ABCA7: variants seen among roughly 807,000 people sequenced by gnomAD.
ABCA7 encodes ATP binding cassette subfamily A member 7.
ABCA7 carries 261 observed loss-of-function variants against 227.6 expected under a neutral mutation model. That is an observed-to-expected ratio of 1.15 (90% CI 1.04 to 1.27). ABCA7 has a LOEUF of 1.27. Among genes scored for constraint, ABCA7 ranks in the 50% most tolerant of loss-of-function variants. ABCA7 has a pLI of 0.00. For synonymous variants in ABCA7, 1,488 were observed against 1,279.7 expected (o/e 1.16, Z -3.47); for missense variants, 3,331 against 2,924.5 (o/e 1.14, Z -3.21).
At position 1,054,623 on chromosome 19, in the gene ABCA7, G is replaced by C; in HGVS notation, c.3780G>C (p.Val1260=). The C allele has an allele frequency of 6.2e-7, 1 of 1,613,354 alleles. No homozygotes were observed. The highest frequency in any genetic ancestry group is 1.1e-5 in the South Asian group (1 of 91,076). The part of the protein sequence containing the change: ...VGLALVFSLI[V]PPFGHYPALR... ...TGGCCCTCGTGTTCAGCCTCATCGT[G>C]CCTCCTTTCGGGCACTACCCGGCTC... Residue 1260 remains valine, a synonymous_variant, in exon 28 of 47, where the codon GTG becomes GTC. Transcript: ENST00000263094. The surrounding 1 kb of genome is among the most constrained non-coding windows in gnomAD (Gnocchi z 4.8).
rs764016824 is a variant in ABCA7, at chr19:1,063,830, G to C, written c.5918G>C (p.Arg1973Pro). ...FLWNSLLAVV[R>P]EGRSVMLTSH... ...TGGAACAGCCTTTTGGCCGTGGTGC[G>C]GGAGGGCCGTTCAGTGATGCTCACC... Residue 1973 changes from arginine to proline, a missense_variant, in exon 44 of 47, where the codon CGG (arginine) becomes CCG (proline). Arg to Pro is a moderately radical substitution (Grantham distance 103, BLOSUM62 -2). Transcript: ENST00000263094. The C allele has an allele frequency of 5.2e-6, 8 of 1,542,712 alleles. No individual in the cohort carries two copies. The highest frequency in any genetic ancestry group is 2.0e-5 in the Admixed American group (1 of 50,952).
chr19:1,053,585 A>G, intron 24 of ABCA7, 54 bp downstream of exon 24: 1 of 1,540,270 alleles, frequency 6.5e-7, no homozygotes, highest in Non-Finnish European at 8.7e-7. Context: ...TTCCTGGAGG[A>G]GGTGGTGTTT....
chr19:1,050,336 C>T (rs902000161), intron 18 of ABCA7, among the ~76,000 whole-genome samples: 32 of 151,884 alleles, frequency 2.1e-4, no homozygotes, highest in African/African-American at 7.7e-4. Context: ...TGCTTGAACC[C>T]TGGAGGCGGA....
rs746070149 is a variant in ABCA7, at chr19:1,047,588, G to C, written c.2203G>C (p.Gly735Arg). The C allele has an allele frequency of 1.2e-5, 19 of 1,603,456 alleles. No homozygotes were observed. The highest frequency in any genetic ancestry group is 1.6e-5 in the Non-Finnish European group (19 of 1,179,332). Residue 735 changes from glycine to arginine, a missense_variant, in exon 16 of 47, where the codon GGC becomes CGC. By Grantham distance (125) the Gly-to-Arg change is moderately radical. Transcript: ENST00000263094. ...ADVFSLAQVS[G>R]LLLLDAALYG... The stretch of plus-strand genomic sequence containing the variant: ...CGTCTTCAGCCTGGCCCAGGTCTCT[G>C]GCCTTCTGCTGCTGGACGCGGCGCT...
intron 18 of ABCA7, 136 bp from the exon 19 acceptor site, chr19:1,050,782 AAAT>A (rs145363837): frequency 0.075 from 27,017 of 358,326 alleles, 989 homozygotes; most frequent in African/African-American, 0.086. Flanking sequence ...TCCGTCTCAA[AAAT>A]AATAATAATA....
rs192510631 is a variant in ABCA7 at position 1,047,793 on chromosome 19, G to A, written c.2269+139G>A. ...GAGAAGGCGGGGCTTCTTGGCACAC[G>A]CATGCAGGTGGCTGCATTGGAGGGG... On this transcript the variant is annotated intron_variant, in intron 16 of 46. Transcript: ENST00000263094. 2,952 of 1,015,856 alleles carry A rather than the reference G, an allele frequency of 2.9e-3. 10 individuals are homozygous for A. Among genetic ancestry groups the A allele is most frequent in the Non-Finnish European group, 3.3e-3 (2,395 of 724,056 alleles). 62.9% of individuals were successfully genotyped at this position (1,015,856 alleles called of 1,614,324 possible).
In ABCA7 at chr19:1,054,595, G is replaced by T; in HGVS notation, c.3752G>T (p.Gly1251Val). The T allele has an allele frequency of 6.2e-7, 1 of 1,612,322 alleles. No homozygotes were observed. The highest frequency in any genetic ancestry group is 8.5e-7 in the Non-Finnish European group (1 of 1,179,534). ...AQIVLPALFV[G>V]LALVFSLIVP... ...ATCGTGCTGCCTGCCCTCTTTGTGG[G>T]CCTGGCCCTCGTGTTCAGCCTCATC... The change falls in exon 28 of 47, where the codon GGC (glycine) becomes GTC (valine). Residue 1251 changes from glycine (G) to valine (V), a missense_variant. By Grantham distance (109) the Gly-to-Val change is moderately radical (BLOSUM62 -3). Coordinates refer to ENST00000263094, the MANE Select transcript of ABCA7 (RefSeq NM_019112.4). This position sits in a 1 kb window ranked among gnomAD's most constrained non-coding sequence, Gnocchi z 4.8.
chr19:1,040,727 T>C (rs571663276), intron 1 of ABCA7, among the ~76,000 whole-genome samples: 1 of 152,246 alleles, frequency 6.6e-6, no homozygotes, highest in South Asian at 2.1e-4. Flanking sequence ...GAGCGATTAA[T>C]GCTACATAAG....
In ABCA7 at chr19:1,051,939, T is replaced by G. The variant is rs986466062; in HGVS notation, c.2963-3T>G. 1.9e-6 allele frequency: 3 copies of G among 1,610,590 alleles called. No individual in the cohort carries two copies. The highest frequency in any genetic ancestry group is 3.3e-5 in the Admixed American group (2 of 59,962). The stretch of plus-strand genomic sequence containing the variant: ...TAGTTGTGGGTTGGTCCCCCGTGCC[T>G]AGGTCGCACGCTGATCCTCTCCACC... On this transcript the variant is annotated splice_region_variant and splice_polypyrimidine_tract_variant and intron_variant, in intron 21 of 46. Coordinates refer to ENST00000263094, the MANE Select transcript of ABCA7 (RefSeq NM_019112.4).
At position 1,049,339 on chromosome 19, in the gene ABCA7, A is replaced by AAGCC. The variant is rs1349024554; in HGVS notation, c.2455_2458dup (p.Pro820GlnfsTer76). On this transcript the variant is annotated frameshift_variant, in exon 18 of 47. Coordinates refer to ENST00000263094, the MANE Select transcript of ABCA7 (RefSeq NM_019112.4). LOFTEE classifies it high-confidence loss of function. The stretch of plus-strand genomic sequence containing the variant: ...GCAGCCTGGAGAAGCGCTTTCCTGG[A>AAGCC]AGCCCGCAGCCAGCCCTGCGGGGGC... 6.2e-7 allele frequency: 1 copy of AAGCC among 1,611,540 alleles called. No individual in the cohort carries two copies. The highest frequency in any genetic ancestry group is 1.1e-5 in the South Asian group (1 of 91,048).
At position 1,047,206 on chromosome 19, in the gene ABCA7, T is replaced by C; in HGVS notation, c.1895T>C (p.Leu632Ser). Residue 632 changes from leucine (L) to serine (S), a missense_variant, in exon 15 of 47, where the codon TTG (leucine) becomes TCG (serine). Transcript: ENST00000263094. ...YSHPGVVFLF[L>S]AAFAVATVTQ... ...CACCCGGGCGTGGTCTTCCTGTTCT[T>C]GGCAGCCTTCGCGGTGGCCACGGTG... 2 of 1,609,544 alleles carry C rather than the reference T, an allele frequency of 1.2e-6. No individual in the cohort carries two copies. The highest frequency in any genetic ancestry group is 1.7e-6 in the Non-Finnish European group (2 of 1,179,562).
rs2041594172 is a variant in ABCA7 at position 1,051,188 on chromosome 19, G to A, written c.2718G>A (p.Gly906=). ...LTVDEHVWFY[G]RLKGLSAAVV... Reference sequence around the variant, plus strand: ...TGGACGAGCACGTCTGGTTCTATGGGCGGCTGAAGGGTCTGAGTGCCGCTG... The same window carrying A: ...TGGACGAGCACGTCTGGTTCTATGGACGGCTGAAGGGTCTGAGTGCCGCTG... Residue 906 remains glycine, a synonymous_variant, in exon 20 of 47, where the codon GGG becomes GGA. Coordinates refer to ENST00000263094, the MANE Select transcript of ABCA7 (RefSeq NM_019112.4). 8 of 1,611,234 alleles carry A rather than the reference G, an allele frequency of 5.0e-6. No individual in the cohort carries two copies. The highest frequency in any genetic ancestry group is 6.8e-6 in the Non-Finnish European group (8 of 1,179,886).
intron 12 of ABCA7, 54 bp downstream of exon 12, chr19:1,045,285 G>A: frequency 6.7e-7 from 1 of 1,485,004 alleles, no homozygotes; most frequent in Non-Finnish European, 9.1e-7. Flanking sequence ...CCAAGAGCGT[G>A]GTGGGTGGGG....
rs1266972584 is a variant in ABCA7 at position 1,065,073 on chromosome 19, G to T, written c.6187G>T (p.Gly2063Trp). The change falls in exon 46 of 47, where the codon GGG becomes TGG. Residue 2063 changes from glycine (G) to tryptophan (W), a missense_variant. Gly to Trp is a radical substitution (Grantham distance 184). Transcript: ENST00000263094. ...GRLRFQLPPG[G>W]RCALARVFGE... Reference sequence around the variant, plus strand: ...CCTGCGCTTCCAGCTGCCGCCGGGAGGGCGCTGCGCCCTGGCGCGCGTCTT... The same window carrying T: ...CCTGCGCTTCCAGCTGCCGCCGGGATGGCGCTGCGCCCTGGCGCGCGTCTT... 6.4e-7 allele frequency: 1 copy of T among 1,567,594 alleles called. No homozygotes were observed. Among genetic ancestry groups the T allele is most frequent in the African/African-American group, 1.4e-5 (1 of 73,734 alleles).
intron 30 of ABCA7, 65 bp from the exon 31 acceptor site, chr19:1,055,842 T>G: frequency 6.8e-7 from 1 of 1,474,378 alleles, no homozygotes; most frequent in Non-Finnish European, 9.1e-7. Flanking sequence ...TGTGCTCCCC[T>G]CTCACCATCT....
At position 1,044,612 on chromosome 19, in the gene ABCA7, G is replaced by A. The variant is rs373349507; in HGVS notation, c.1083G>A (p.Gln361=). The part of the protein sequence containing the change: ...LLQMQDEGRR[Q]PRPGGRDHME... ...AGATGCAGGATGAAGGAAGAAGGCA[G>A]CCCAGACCTGGAGGCCGGGACCACA... Residue 361 remains glutamine, a synonymous_variant, in exon 11 of 47, where the codon CAG becomes CAA. Transcript: ENST00000263094. 16 of 1,613,158 alleles carry A rather than the reference G, an allele frequency of 9.9e-6. No individual in the cohort carries two copies. Among genetic ancestry groups the A allele is most frequent in the African/African-American group, 2.7e-5 (2 of 75,064 alleles).
chr19:1,063,869 C>T lies in ABCA7; in HGVS notation c.5951+6C>T. The T allele has an allele frequency of 6.6e-7, 1 of 1,525,900 alleles. No homozygotes were observed. The highest frequency in any genetic ancestry group is 2.0e-5 in the Admixed American group (1 of 50,412). 94.5% of individuals were successfully genotyped at this position (1,525,900 alleles called of 1,614,324 possible). ...GTGATGCTCACCTCCCATAGGTGGG[C>T]CGGGCTCTGATGCCCTGGGCTGTGG... On this transcript the variant is annotated splice_donor_region_variant and intron_variant, in intron 44 of 46. Coordinates refer to ENST00000263094, the MANE Select transcript of ABCA7 (RefSeq NM_019112.4).
chr19:1,047,387 C>T lies in ABCA7; in HGVS notation c.2067+9C>T, dbSNP rs1568279492. ...GTGGCCGCGTGGCCGCGGTGAGAGC[C>T]GGGTCGGGCGTGGATGGGGGACGCC... On this transcript the variant is annotated intron_variant, in intron 15 of 46. Transcript: ENST00000263094. The T allele has an allele frequency of 1.9e-6, 3 of 1,559,406 alleles. No individual in the cohort carries two copies. In the African/African-American group the frequency reaches 4.1e-5, roughly 21 times the overall value.
rs747358941 is a variant in ABCA7 at position 1,046,270 on chromosome 19, C to A, written c.1486C>A (p.Leu496Met). The A allele has an allele frequency of 9.3e-6, 15 of 1,606,934 alleles. No individual in the cohort carries two copies. Among genetic ancestry groups the A allele is most frequent in the African/African-American group, 2.7e-5 (2 of 74,942 alleles). Reference sequence around the variant, plus strand: ...CCCAGCCGCGGACCCCCTGACCGACCTGCGCTACGTGTGGGGCGGCTTCGT... The same window carrying A: ...CCCAGCCGCGGACCCCCTGACCGACATGCGCTACGTGTGGGGCGGCTTCGT... The part of the protein sequence containing the change: ...PGPAADPLTD[L>M]RYVWGGFVYL... Residue 496 changes from leucine (L) to methionine (M), a missense_variant, in exon 13 of 47, where the codon CTG (leucine) becomes ATG (methionine). By Grantham distance (15) the Leu-to-Met change is conservative. Coordinates refer to ENST00000263094, the MANE Select transcript of ABCA7 (RefSeq NM_019112.4).
Sources: gnomAD v4.1 joint callset for allele counts (sites outside exome capture counted in the v4.1 genomes callset) on GRCh38, gnomAD v4.1.1 for gene constraint, Gnocchi (gnomAD v3.1) non-coding constraint, MANE v1.5 for transcripts, NCBI Gene and HGNC (gene_info 2026-07-23, HGNC 2026-07-21) for gene names.